RIMKLA: variants seen among roughly 807,000 people sequenced by gnomAD.
RIMKLA encodes N-acetylaspartylglutamate synthase A.
Under a neutral mutation model 32.7 loss-of-function variants are expected in RIMKLA, and 14 were observed. The observed-to-expected ratio is 0.43, with a 90% CI of 0.28 to 0.67. RIMKLA has a LOEUF of 0.67. Among genes scored for constraint, RIMKLA ranks in the 30% least tolerant of loss-of-function variants. The pLI is 0.18. For synonymous variants in RIMKLA, 176 were observed against 204.1 expected (o/e 0.86, Z 1.18); for missense variants, 410 against 519.0 (o/e 0.79, Z 2.04).
intron 1 of RIMKLA, among the ~76,000 whole-genome samples, chr1:42,396,091 C>G (rs958761492): frequency 6.6e-6 from 1 of 151,900 alleles, no homozygotes; most frequent in African/African-American, 2.4e-5. Flanking sequence ...AAAAAATTAG[C>G]CGGGCATGGT....
rs1035140283 is a variant in RIMKLA at position 42,422,515 on chromosome 1, A to G, written c.*7541A>G. ...AACAGTGTTAACTTCTCCAACAGAG[A>G]CGAAATCATTTATAAATGATTGTTT... On this transcript the variant is annotated 3_prime_UTR_variant, in exon 5 of 5. Transcript: ENST00000431473. The G allele has an allele frequency of 2.0e-5, 3 of 152,240 alleles. No individual in the cohort carries two copies. Among genetic ancestry groups the G allele is most frequent in the African/African-American group, 7.2e-5 (3 of 41,468 alleles). The allele number at this position is 152,240 out of a possible 1,614,324, so 9.4% of individuals were successfully genotyped here.
At chr1:42,385,327 C>A (rs1642926726) in intron 1 of RIMKLA, among the ~76,000 whole-genome samples, 1 of 152,128 alleles carries the variant, frequency 6.6e-6, no homozygotes, top group Non-Finnish European at 1.5e-5. Context: ...TGCCCACCCA[C>A]AGGTCTGTAT....
At chr1:42,393,656 G>C (rs1339919832) in intron 1 of RIMKLA, among the ~76,000 whole-genome samples, 1 of 152,202 alleles carries the variant, frequency 6.6e-6, no homozygotes, top group Non-Finnish European at 1.5e-5. Flanking sequence ...AGAAAATGCT[G>C]TGGGTGGAGT....
chr1:42,398,926 C>CA (rs1385344245), intron 1 of RIMKLA, among the ~76,000 whole-genome samples: 4 of 143,686 alleles, frequency 2.8e-5, no homozygotes, highest in African/African-American at 7.8e-5. Flanking sequence ...AAGATGATGC[C>CA]ACTGCACTCT....
chr1:42,384,539 A>G (rs1642918536), intron 1 of RIMKLA, among the ~76,000 whole-genome samples: 1 of 146,302 alleles, frequency 6.8e-6, no homozygotes, highest in Admixed American at 6.9e-5. Context: ...ATACATATAT[A>G]TGTATATATA....
rs1479851938 is a variant in RIMKLA at position 42,419,796 on chromosome 1, C to T, written c.*4822C>T. ...CCAGCCAAGACCATTTAACTCTACCCCACACTTTCAGTGGTGGGATGTGAG... is the reference window on the plus strand; with the variant it reads ...CCAGCCAAGACCATTTAACTCTACCTCACACTTTCAGTGGTGGGATGTGAG... On this transcript the variant is annotated 3_prime_UTR_variant, in exon 5 of 5. Transcript: ENST00000431473. 1 of 152,224 alleles carries T rather than the reference C, an allele frequency of 6.6e-6. No individual in the cohort carries two copies. The highest frequency in any genetic ancestry group is 1.5e-5 in the Non-Finnish European group (1 of 68,054). 9.4% of individuals were successfully genotyped at this position (152,224 alleles called of 1,614,324 possible).
intron 4 of RIMKLA, among the ~76,000 whole-genome samples, chr1:42,413,892 C>G (rs902113000): frequency 2.0e-5 from 3 of 148,924 alleles, no homozygotes; most frequent in Non-Finnish European, 4.5e-5. Flanking sequence ...TGGGAGGAAC[C>G]CTACAGCGAG....
chr1:42,386,148 C>T (rs541105408), intron 1 of RIMKLA, among the ~76,000 whole-genome samples: 3 of 151,966 alleles, frequency 2.0e-5, no homozygotes, highest in Non-Finnish European at 2.9e-5. Flanking sequence ...GTCTCAAACT[C>T]CTGACCTCAG....
rs973522376 is a variant in RIMKLA, at chr1:42,404,395, G to A, written c.395-116G>A. 7.0e-6 allele frequency: 5 copies of A among 709,530 alleles called. No individual in the cohort carries two copies. The African/African-American group carries it at 8.7e-5, about 12-fold the overall frequency. 44.0% of individuals were successfully genotyped at this position (709,530 alleles called of 1,614,324 possible). A position where few individuals can be genotyped will look rare whatever the true frequency, so the allele number is the denominator to read the frequency against. ...TCTGTTGAATCAACTGGGTTTGAAT[G>A]GCCTTAATCAGAGAGAGATGAGGCC... On this transcript the variant is annotated intron_variant, in intron 2 of 4. Transcript: ENST00000431473.
At chr1:42,390,717 G>C (rs1642993221) in intron 1 of RIMKLA, among the ~76,000 whole-genome samples, 1 of 152,184 alleles carries the variant, frequency 6.6e-6, no homozygotes, top group Non-Finnish European at 1.5e-5. Flanking sequence ...GTGTGAAATA[G>C]TGTTGTGGTT....
At position 42,399,592 on chromosome 1, in the gene RIMKLA, C is replaced by T; in HGVS notation, c.352C>T (p.Leu118=). 1.2e-6 allele frequency: 2 copies of T among 1,612,520 alleles called. No homozygotes were observed. The highest frequency in any genetic ancestry group is 1.7e-6 in the Non-Finnish European group (2 of 1,179,434). ...CAACAAATTCTGGACGTTCCAAGAA[C>T]TGGCTGGACATGGGGTCCCCATGCC... ...CINKFWTFQE[L]AGHGVPMPDT... The change falls in exon 2 of 5, where the codon CTG becomes TTG. Residue 118 remains leucine (L), a synonymous_variant. Transcript: ENST00000431473.
chr1:42,398,271 C>T (rs895884166), intron 1 of RIMKLA, among the ~76,000 whole-genome samples: 7 of 152,212 alleles, frequency 4.6e-5, no homozygotes, highest in African/African-American at 1.7e-4. Flanking sequence ...AGACTGTGCT[C>T]CTGTTCCTCT....
At chr1:42,413,314 C>A (rs1387183816) in intron 4 of RIMKLA, among the ~76,000 whole-genome samples, 1 of 151,618 alleles carries the variant, frequency 6.6e-6, no homozygotes, top group Non-Finnish European at 1.5e-5. Context: ...TTAGCCTGGC[C>A]AACATGGTGA....
Position 42,415,101 on chromosome 1 carries a change from T to A in RIMKLA, c.*127T>A. 9.4e-7 allele frequency: 1 copy of A among 1,065,842 alleles called. No homozygotes were observed. Among genetic ancestry groups the A allele is most frequent in the African/African-American group, 1.6e-5 (1 of 63,188 alleles). 66.0% of individuals were successfully genotyped at this position (1,065,842 alleles called of 1,614,324 possible). ...AGAAATCCCATCTGGGCACTCAGCA[T>A]TTTTTCTAACGATGATTTAAGCAAA... On this transcript the variant is annotated 3_prime_UTR_variant, in exon 5 of 5. Coordinates refer to ENST00000431473, the MANE Select transcript of RIMKLA (RefSeq NM_173642.4).
chr1:42,380,918 G>A lies in RIMKLA; in HGVS notation c.-17G>A, dbSNP rs1195553098. 1.5e-6 allele frequency: 2 copies of A among 1,344,728 alleles called. No homozygotes were observed. The highest frequency in any genetic ancestry group is 3.2e-5 in the Admixed American group (1 of 31,332). The allele number at this position is 1,344,728 out of a possible 1,614,324, so 83.3% of individuals were successfully genotyped here. A position where few individuals can be genotyped will look rare whatever the true frequency, so the allele number is the denominator to read the frequency against. ...CCGAGGGGTCCGCGCCGCGCGGGGC[G>A]CACCGCCCTGGCCGCCATGTGCTCC... On this transcript the variant is annotated 5_prime_UTR_variant, in exon 1 of 5. Coordinates refer to ENST00000431473, the MANE Select transcript of RIMKLA (RefSeq NM_173642.4).
chr1:42,397,418 G>T (rs1315598529), intron 1 of RIMKLA, among the ~76,000 whole-genome samples: 2 of 152,166 alleles, frequency 1.3e-5, no homozygotes, highest in African/African-American at 2.4e-5. Flanking sequence ...TATCTCTGTA[G>T]ACTGTGTTTT....
At chr1:42,381,958 C>G (rs192409727) in intron 1 of RIMKLA, among the ~76,000 whole-genome samples, 39 of 152,328 alleles carry the variant, frequency 2.6e-4, no homozygotes, top group African/African-American at 8.2e-4. Context: ...GTCCAGGACT[C>G]AAAAGGATTT....
At chr1:42,381,214 G>C (rs1031094028) in intron 1 of RIMKLA, 117 bp downstream of exon 1, 3 of 731,538 alleles carry the variant, frequency 4.1e-6, no homozygotes, top group Non-Finnish European at 5.7e-6. Flanking sequence ...CCGCACACTA[G>C]CCGCACTCTA....
chr1:42,415,062 T>A lies in RIMKLA; in HGVS notation c.*88T>A, dbSNP rs1643234426. On this transcript the variant is annotated 3_prime_UTR_variant, in exon 5 of 5. Transcript: ENST00000431473. ...TAAAATCTGGACTAATGTGATTTCATTTGCACAGAAACTAGAAATCCCATC... is the reference window on the plus strand; with the variant it reads ...TAAAATCTGGACTAATGTGATTTCAATTGCACAGAAACTAGAAATCCCATC... 1 of 1,376,136 alleles carries A rather than the reference T, an allele frequency of 7.3e-7. No homozygotes were observed. The highest frequency in any genetic ancestry group is 1.4e-5 in the African/African-American group (1 of 69,386). The allele number at this position is 1,376,136 out of a possible 1,614,324, so 85.2% of individuals were successfully genotyped here. A position where few individuals can be genotyped will look rare whatever the true frequency, so the allele number is the denominator to read the frequency against.
Sources: allele counts gnomAD v4.1 joint callset (sites outside exome capture counted in the v4.1 genomes callset), GRCh38; gene constraint gnomAD v4.1.1; transcripts MANE v1.5; gene names NCBI Gene and HGNC (gene_info 2026-07-23, HGNC 2026-07-21).